RABGAP1L: variants seen among roughly 807,000 people sequenced by gnomAD.
RABGAP1L encodes the protein rab GTPase-activating protein 1-like.
Under a neutral mutation model 137.7 loss-of-function variants are expected in RABGAP1L, and 63 were observed. The ratio of observed to expected loss-of-function variants is 0.46; its 90% CI spans 0.37 to 0.56. RABGAP1L has a LOEUF of 0.56. RABGAP1L is among the 20% of genes least tolerant of loss of function. The probability of loss-of-function intolerance (pLI) is 0.00; values close to 1 mark genes in which losing one functional copy is unlikely to be tolerated. For synonymous variants in RABGAP1L, 431 were observed against 433.7 expected, an observed-to-expected ratio of 0.99 and a Z score of 0.08; for missense variants, 1,095 against 1,244.0, an observed-to-expected ratio of 0.88 and a Z score of 1.80.
chr1:174,192,277 C>A (rs543533526), intron 1 of RABGAP1L, among the ~76,000 whole-genome samples: 4 of 147,432 alleles, frequency 2.7e-5, no homozygotes, highest in Admixed American at 2.7e-4. Context: ...GTTGGAGGTT[C>A]AAGAGAGTCT....
chr1:174,175,390 A>G (rs1173576230), intron 1 of RABGAP1L, among the ~76,000 whole-genome samples: 1 of 151,914 alleles, frequency 6.6e-6, no homozygotes, highest in African/African-American at 2.4e-5. Flanking sequence ...GAAATCTCTC[A>G]TTTGTGCTTT....
At chr1:174,262,712 C>T (rs1558080904) in intron 7 of RABGAP1L, among the ~76,000 whole-genome samples, 1 of 152,228 alleles carries the variant, frequency 6.6e-6, no homozygotes, top group Non-Finnish European at 1.5e-5. Flanking sequence ...TGTAGCCTGG[C>T]TGCTAATTAG....
chr1:174,262,702 T>G (rs1417280588), intron 7 of RABGAP1L, among the ~76,000 whole-genome samples: 2 of 152,242 alleles, frequency 1.3e-5, no homozygotes, highest in African/African-American at 4.8e-5. Flanking sequence ...AATTTGGATA[T>G]GTAGCCTGGC....
At chr1:174,665,310 C>G (rs1275103654) in intron 14 of RABGAP1L, among the ~76,000 whole-genome samples, 1 of 151,992 alleles carries the variant, frequency 6.6e-6, no homozygotes, top group Admixed American at 6.6e-5. Flanking sequence ...TTTTTAGTGC[C>G]TTAGTCTGCC....
intron 17 of RABGAP1L, among the ~76,000 whole-genome samples, chr1:174,750,187 G>A (rs1252833070): frequency 6.6e-6 from 1 of 152,148 alleles, no homozygotes; most frequent in Non-Finnish European, 1.5e-5. Flanking sequence ...TCTGCTATGT[G>A]ATGCTATACT....
chr1:174,971,331 T>C (rs1450013310), intron 21 of RABGAP1L, among the ~76,000 whole-genome samples: 1 of 151,902 alleles, frequency 6.6e-6, no homozygotes, highest in Admixed American at 6.6e-5. Context: ...AAATCATTTC[T>C]TCACCAAGAG....
At chr1:174,163,378 A>T (rs1571320052) in intron 1 of RABGAP1L, among the ~76,000 whole-genome samples, 1 of 152,144 alleles carries the variant, frequency 6.6e-6, no homozygotes, top group African/African-American at 2.4e-5. Context: ...TATTCAACAG[A>T]TGGGATGGCA....
chr1:174,271,393 T>A (rs895792227), intron 7 of RABGAP1L, among the ~76,000 whole-genome samples: 2 of 152,136 alleles, frequency 1.3e-5, no homozygotes, highest in Non-Finnish European at 2.9e-5. Context: ...GGTTGAGTGG[T>A]TAGCTGCCAC....
At chr1:174,685,551 C>CTTCA (rs1553233660) in intron 15 of RABGAP1L, among the ~76,000 whole-genome samples, 3 of 144,970 alleles carry the variant, frequency 2.1e-5, no homozygotes, top group Non-Finnish European at 3.0e-5. Context: ...CCGCGCCGGC[C>CTTCA]TTTATTTATT....
intron 7 of RABGAP1L, among the ~76,000 whole-genome samples, chr1:174,261,014 G>T (rs1440652957): frequency 6.6e-6 from 1 of 151,908 alleles, no homozygotes; most frequent in Non-Finnish European, 1.5e-5. Context: ...ACATGAAGAG[G>T]TTCCAATAAT....
chr1:174,645,643 A>C (rs1022566993), intron 14 of RABGAP1L, among the ~76,000 whole-genome samples: 3 of 152,118 alleles, frequency 2.0e-5, no homozygotes, highest in African/African-American at 4.8e-5. Context: ...GGTTGGTCCA[A>C]GTTTTTGCTA....
At chr1:174,427,902 A>G (rs867196942) in intron 13 of RABGAP1L, among the ~76,000 whole-genome samples, 1 of 152,188 alleles carries the variant, frequency 6.6e-6, no homozygotes, top group Admixed American at 6.5e-5. Flanking sequence ...GAGGAGCTCC[A>G]CTGCCTAGTG....
At chr1:174,440,559 G>C (rs992451122) in intron 13 of RABGAP1L, among the ~76,000 whole-genome samples, 3 of 152,070 alleles carry the variant, frequency 2.0e-5, no homozygotes, top group Non-Finnish European at 4.4e-5. Context: ...GTTTACTTTA[G>C]TCTCTATTTG....
At position 174,298,981 on chromosome 1, in the gene RABGAP1L, C is replaced by T. The variant is rs576544701; in HGVS notation, c.1324-6005C>T. ...AATGTAGGTGAAAACTTAAAAACAACGAATCAGTTTAGAATTTAATGGCAA... is the reference window on the plus strand; with the variant it reads ...AATGTAGGTGAAAACTTAAAAACAATGAATCAGTTTAGAATTTAATGGCAA... On this transcript the variant is annotated intron_variant, in intron 10 of 25. Coordinates refer to ENST00000681986, the MANE Select transcript of RABGAP1L (RefSeq NM_001366446.1). 1.9e-3 allele frequency among the ~76,000 whole-genome samples: 292 copies of T among 152,292 alleles called. 7 individuals are homozygous for T. The South Asian group carries it at 0.026, about 14-fold the overall frequency.
intron 19 of RABGAP1L, among the ~76,000 whole-genome samples, chr1:174,953,930 A>AAT (rs1270930209): frequency 6.6e-6 from 1 of 152,076 alleles, no homozygotes; most frequent in Non-Finnish European, 1.5e-5. Flanking sequence ...ATTTATCTTA[A>AAT]ACAAACTTGT....
At chr1:174,889,736 A>G (rs1655809125) in intron 19 of RABGAP1L, among the ~76,000 whole-genome samples, 3 of 150,928 alleles carry the variant, frequency 2.0e-5, no homozygotes, top group African/African-American at 7.3e-5. Context: ...CAGCCTTTCT[A>G]TTCTTTTTTG....
At chr1:174,838,917 C>CA (rs58265128) in intron 19 of RABGAP1L, among the ~76,000 whole-genome samples, 313 of 22,456 alleles carry the variant, frequency 0.014, 118 homozygotes, top group East Asian at 0.018. Flanking sequence ...GACTCCGTCT[C>CA]AAAAAAAAAA....
chr1:174,586,289 C>A (rs1316936235), intron 13 of RABGAP1L, among the ~76,000 whole-genome samples: 1 of 126,550 alleles, frequency 7.9e-6, no homozygotes, highest in Non-Finnish European at 1.9e-5. Flanking sequence ...AAACCAAACA[C>A]CTCGTGAACA....
intron 12 of RABGAP1L, among the ~76,000 whole-genome samples, chr1:174,376,417 A>T (rs1281278496): frequency 6.6e-6 from 1 of 152,222 alleles, no homozygotes; most frequent in Non-Finnish European, 1.5e-5. Context: ...TCCCTCATGG[A>T]TATAGACTAA....
Sources: gnomAD v4.1 joint callset for allele counts (sites outside exome capture counted in the v4.1 genomes callset) on GRCh38, gnomAD v4.1.1 for gene constraint, MANE v1.5 for transcripts, NCBI Gene and HGNC (gene_info 2026-07-23, HGNC 2026-07-21) for gene names.